CTSS: variants seen among roughly 807,000 people sequenced by gnomAD.
CTSS encodes the protein cathepsin S.
In CTSS, 15 loss-of-function variants were observed where a neutral mutation model predicts 39.9. The observed-to-expected ratio is 0.38, with a 90% CI of 0.25 to 0.58. CTSS has a LOEUF of 0.58. Ranked by LOEUF, CTSS falls within the 20% of genes least tolerant of loss-of-function variation. CTSS has a pLI of 0.70. For synonymous variants in CTSS, 126 were observed against 138.2 expected (o/e 0.91, Z 0.62); for missense variants, 250 against 398.2 (o/e 0.63, Z 3.17).
At chr1:150,750,347 G>A (rs587724190) in intron 5 of CTSS, among the ~76,000 whole-genome samples, 176 bp from the exon 6 acceptor site, 3 of 152,238 alleles carry the variant, frequency 2.0e-5, no homozygotes, top group Non-Finnish European at 1.5e-5. Context: ...AGCAATAATG[G>A]AGGAAATACA....
rs1652549229 is a variant in CTSS, at chr1:150,732,697, C to T, written c.*349G>A. On this transcript the variant is annotated 3_prime_UTR_variant, in exon 8 of 8. Coordinates refer to ENST00000368985, the MANE Select transcript of CTSS (RefSeq NM_004079.5). ...GATCTCAGCTCAACATAGCCTCAAC[C>T]TCTTGGGTTCAAGGAATCTCGTGCC... The T allele has an allele frequency of 5.7e-6, 1 of 175,944 alleles. No individual in the cohort carries two copies. The highest frequency in any genetic ancestry group is 1.2e-5 in the Non-Finnish European group (1 of 82,984). 10.9% of individuals were successfully genotyped at this position (175,944 alleles called of 1,614,324 possible).
intron 2 of CTSS, among the ~76,000 whole-genome samples, chr1:150,761,629 G>A (rs1653266345): frequency 6.6e-6 from 1 of 152,144 alleles, no homozygotes; most frequent in Non-Finnish European, 1.5e-5. Flanking sequence ...TACTCAGGAG[G>A]CTGAGGCAGG....
intron 7 of CTSS, among the ~76,000 whole-genome samples, chr1:150,734,379 G>A (rs1309813169): frequency 6.6e-6 from 1 of 151,906 alleles, no homozygotes; most frequent in Non-Finnish European, 1.5e-5. Flanking sequence ...GGTGGCTCAA[G>A]CCTGTAATCC....
chr1:150,737,850 C>G (rs1165701679), intron 7 of CTSS, among the ~76,000 whole-genome samples: 1 of 152,146 alleles, frequency 6.6e-6, no homozygotes, highest in Non-Finnish European at 1.5e-5. Flanking sequence ...TCGGGAAAAG[C>G]TTCGCTGAGT....
chr1:150,753,736 G>A (rs771010102), intron 4 of CTSS, among the ~76,000 whole-genome samples: 13 of 152,180 alleles, frequency 8.5e-5, no homozygotes, highest in Non-Finnish European at 1.8e-4. Context: ...GATCACTTGA[G>A]CTCAGGAGCT....
chr1:150,739,251 G>C (rs1652696428), intron 7 of CTSS, among the ~76,000 whole-genome samples: 1 of 152,100 alleles, frequency 6.6e-6, no homozygotes, highest in Non-Finnish European at 1.5e-5. Flanking sequence ...GTGAAAGGAA[G>C]AGTTATACAT....
chr1:150,740,233 A>G (rs1185508371), intron 7 of CTSS, among the ~76,000 whole-genome samples: 1 of 152,262 alleles, frequency 6.6e-6, no homozygotes, highest in Non-Finnish European at 1.5e-5. Context: ...AAATACTATA[A>G]TAGAATTCAT....
chr1:150,764,561 C>T, intron 2 of CTSS, 77 bp downstream of exon 2: 1 of 1,580,040 alleles, frequency 6.3e-7, no homozygotes, highest in Non-Finnish European at 8.7e-7. Context: ...AAAACACTGC[C>T]TGTAAGAACA....
rs1229612950 is a variant in CTSS at position 150,750,021 on chromosome 1, A to C, written c.778T>G (p.Phe260Val). 6.2e-7 allele frequency: 1 copy of C among 1,604,990 alleles called. No homozygotes were observed. ...VGVDARHPSFFLYRSGVYYEP... is the reference protein window; with the variant it reads ...VGVDARHPSFVLYRSGVYYEP... Reference sequence around the variant, plus strand: ...TATTTTTTACCACTTCTGTAGAGGAAGAAAGAAGGATGACGCGCATCTACA... The same window carrying C: ...TATTTTTTACCACTTCTGTAGAGGACGAAAGAAGGATGACGCGCATCTACA... Residue 260 changes from phenylalanine (F) to valine (V), a missense_variant, in exon 6 of 8, where the codon TTC (phenylalanine) becomes GTC (valine). Phe to Val is a conservative substitution (Grantham distance 50, BLOSUM62 -1). Coordinates refer to ENST00000368985, the MANE Select transcript of CTSS (RefSeq NM_004079.5).
chr1:150,738,666 A>T (rs1462572003), intron 7 of CTSS, among the ~76,000 whole-genome samples: 1 of 151,900 alleles, frequency 6.6e-6, no homozygotes, highest in Non-Finnish European at 1.5e-5. Context: ...AAAAAAAACT[A>T]TCTGTAGAGA....
rs1483715913 is a variant in CTSS, at chr1:150,731,111, G to T, written c.*1935C>A. On this transcript the variant is annotated 3_prime_UTR_variant, in exon 8 of 8. Transcript: ENST00000368985. ...ATGTTAAAAACTGAAAAGTAGGCTG[G>T]GCTCAGTGGCTCACGCCTGTAATCT... 2 of 152,174 alleles carry T rather than the reference G, an allele frequency of 1.3e-5. No homozygotes were observed. The highest frequency in any genetic ancestry group is 2.4e-5 in the African/African-American group (1 of 41,448). 9.4% of individuals were successfully genotyped at this position (152,174 alleles called of 1,614,324 possible).
intron 7 of CTSS, among the ~76,000 whole-genome samples, chr1:150,733,584 A>G (rs935104285): frequency 3.9e-5 from 6 of 152,206 alleles, no homozygotes; most frequent in Non-Finnish European, 8.8e-5. Flanking sequence ...GGTATAGGGC[A>G]GGGAATTCTA....
chr1:150,751,665 C>A lies in CTSS; in HGVS notation c.627+116G>T, dbSNP rs140288328. The A allele has an allele frequency of 8.9e-4, 723 of 815,568 alleles. 5 individuals carry two copies. Among genetic ancestry groups the A allele is most frequent in the South Asian group, 3.0e-3 (177 of 58,552 alleles). The allele number at this position is 815,568 out of a possible 1,614,324, so 50.5% of individuals were successfully genotyped here. ...AATTTAAGAATTCCTCTTCAGGGTT[C>A]TCTCTCACACACAATACTGCTTCTC... On this transcript the variant is annotated intron_variant, in intron 5 of 7. Coordinates refer to ENST00000368985, the MANE Select transcript of CTSS (RefSeq NM_004079.5).
chr1:150,761,882 A>G (rs1653272705), intron 2 of CTSS, among the ~76,000 whole-genome samples: 1 of 152,266 alleles, frequency 6.6e-6, no homozygotes, highest in South Asian at 2.1e-4. Flanking sequence ...TGCAATTTCT[A>G]TCAAAATTCT....
intron 3 of CTSS, 90 bp from the exon 4 acceptor site, chr1:150,755,240 C>T: frequency 7.1e-7 from 1 of 1,408,860 alleles, no homozygotes; most frequent in Non-Finnish European, 9.9e-7. Context: ...ATTGTGAAAA[C>T]ACCATAGTGT....
At chr1:150,747,725 A>T in intron 7 of CTSS, 52 bp downstream of exon 7, 3 of 1,159,236 alleles carry the variant, frequency 2.6e-6, no homozygotes, top group Non-Finnish European at 3.9e-6. Context: ...GTATTTGCTG[A>T]AACTCCCTCA....
intron 7 of CTSS, among the ~76,000 whole-genome samples, chr1:150,742,121 G>C (rs1399470293): frequency 1.3e-5 from 2 of 151,910 alleles, no homozygotes; most frequent in Non-Finnish European, 2.9e-5. Context: ...GCTGGGCATG[G>C]TGGCACATGC....
At position 150,750,139 on chromosome 1, in the gene CTSS, A is replaced by G; in HGVS notation, c.660T>C (p.Arg220=). ...DQKCQYDSKY[R]AATCSKYTEL... is the part of the protein sequence containing the mutation. ...CAGTGTACTTTGAACATGTGGCAGC[A>G]CGATATTTTGAGTCATATTGACATT... Residue 220 remains arginine (R), a synonymous_variant, in exon 6 of 8, where the codon CGT becomes CGC. Transcript: ENST00000368985. 6.2e-7 allele frequency: 1 copy of G among 1,613,158 alleles called. No homozygotes were observed. The highest frequency in any genetic ancestry group is 1.1e-5 in the South Asian group (1 of 91,060).
At chr1:150,750,279 C>T (rs748263522) in intron 5 of CTSS, 108 bp from the exon 6 acceptor site, 4 of 857,072 alleles carry the variant, frequency 4.7e-6, no homozygotes, top group Non-Finnish European at 7.0e-6. Context: ...TTAACTTTTT[C>T]ATGTGTCTAA....
Sources: gnomAD v4.1 joint callset for allele counts (sites outside exome capture counted in the v4.1 genomes callset) on GRCh38, gnomAD v4.1.1 for gene constraint, MANE v1.5 for transcripts, NCBI Gene and HGNC (gene_info 2026-07-23, HGNC 2026-07-21) for gene names.